DOCK10: variants seen among roughly 807,000 people sequenced by gnomAD.
DOCK10 encodes the protein dedicator of cytokinesis 10, also known as dedicator of cytokinesis protein 10.
DOCK10 carries 145 observed loss-of-function variants against 280.1 expected under a neutral mutation model. The observed-to-expected ratio is 0.52, with a 90% CI of 0.45 to 0.59. The LOEUF (loss-of-function observed/expected upper bound fraction) is 0.59, where lower values mean the gene tolerates loss of function less well. Among genes scored for constraint, DOCK10 ranks in the 20% least tolerant of loss-of-function variants. The pLI, the probability that DOCK10 is intolerant of heterozygous loss-of-function variation, is 0.00. For missense variants in DOCK10, 2,368 were observed against 2,651.7 expected (o/e 0.89, Z 2.35); for synonymous variants, 915 against 942.2 (o/e 0.97, Z 0.53).
At chr2:224,818,674 A>G (rs1237193160) in intron 29 of DOCK10, among the ~76,000 whole-genome samples, 7 of 152,194 alleles carry the variant, frequency 4.6e-5, no homozygotes, top group Non-Finnish European at 7.3e-5. Context: ...CTGGGATTAC[A>G]GGCGTGAGCC....
chr2:224,856,663 A>T (rs1174315866), intron 15 of DOCK10, among the ~76,000 whole-genome samples, 197 bp downstream of exon 15: 1 of 152,208 alleles, frequency 6.6e-6, no homozygotes, highest in Non-Finnish European at 1.5e-5. Context: ...ACATAGTTTA[A>T]CATTTCACAG....
intron 3 of DOCK10, among the ~76,000 whole-genome samples, chr2:224,904,853 A>T (rs116223623): frequency 1.3e-5 from 2 of 152,236 alleles, no homozygotes; most frequent in African/African-American, 4.8e-5. Flanking sequence ...TATTTTAACT[A>T]TAAAAGTAAA....
chr2:224,797,486 G>A (rs1692662117), intron 42 of DOCK10, among the ~76,000 whole-genome samples: 1 of 152,130 alleles, frequency 6.6e-6, no homozygotes, highest in South Asian at 2.1e-4. Context: ...CTCAAAGGCG[G>A]TGGCTGTATC....
chr2:224,854,896 C>A, intron 16 of DOCK10, 67 bp downstream of exon 16: 1 of 1,150,230 alleles, frequency 8.7e-7, no homozygotes, highest in Non-Finnish European at 1.2e-6. Flanking sequence ...ACCAACCAAC[C>A]AAAACAAACC....
intron 1 of DOCK10, among the ~76,000 whole-genome samples, chr2:224,986,846 T>A (rs531786592): frequency 6.6e-6 from 1 of 152,128 alleles, no homozygotes; most frequent in Admixed American, 6.6e-5. Flanking sequence ...AGCAGGCCAA[T>A]ACAAGGACCT....
intron 1 of DOCK10, among the ~76,000 whole-genome samples, chr2:225,006,858 C>T (rs1176974352): frequency 2.0e-5 from 3 of 152,104 alleles, no homozygotes; most frequent in Non-Finnish European, 4.4e-5. Flanking sequence ...AATAAAATCC[C>T]CAGTTTTAAG....
intron 13 of DOCK10, 95 bp from the exon 14 acceptor site, chr2:224,862,841 C>A: frequency 1.3e-6 from 1 of 794,394 alleles, no homozygotes; most frequent in Non-Finnish European, 1.9e-6. Flanking sequence ...TTATTTTATA[C>A]TGAAACTCAG....
At chr2:224,953,045 C>T (rs1415802277) in intron 1 of DOCK10, among the ~76,000 whole-genome samples, 1 of 145,452 alleles carries the variant, frequency 6.9e-6, no homozygotes, top group Non-Finnish European at 1.5e-5. Context: ...AAAATGGCCC[C>T]AAAAGTACCA....
At chr2:224,957,751 T>C (rs1704135665) in intron 1 of DOCK10, among the ~76,000 whole-genome samples, 1 of 152,216 alleles carries the variant, frequency 6.6e-6, no homozygotes, top group Non-Finnish European at 1.5e-5. Context: ...TCTACATGTC[T>C]CAAAACACCA....
At chr2:224,903,921 A>G (rs1037763960) in intron 3 of DOCK10, among the ~76,000 whole-genome samples, 4 of 152,226 alleles carry the variant, frequency 2.6e-5, no homozygotes, top group African/African-American at 7.2e-5. Flanking sequence ...TCTTAATGTG[A>G]AACACGTAAC....
chr2:224,879,245 A>T (rs1698827476), intron 7 of DOCK10, among the ~76,000 whole-genome samples: 2 of 152,090 alleles, frequency 1.3e-5, no homozygotes, highest in South Asian at 4.1e-4. Context: ...AAATTCCTAG[A>T]CGCCCCACTC....
intron 2 of DOCK10, 147 bp from the exon 3 acceptor site, chr2:224,916,931 T>C: frequency 3.2e-6 from 2 of 629,664 alleles, no homozygotes; most frequent in East Asian, 2.8e-5. Flanking sequence ...TCTTCCCAAT[T>C]TAATCTCTAG....
At chr2:224,917,853 A>G (rs1285589045) in intron 2 of DOCK10, among the ~76,000 whole-genome samples, 1 of 152,148 alleles carries the variant, frequency 6.6e-6, no homozygotes, top group Admixed American at 6.5e-5. Context: ...TGCTTCCTTT[A>G]GTCTGTGCAC....
At chr2:224,816,878 G>A (rs916833375) in intron 29 of DOCK10, among the ~76,000 whole-genome samples, 165 bp from the exon 30 acceptor site, 7 of 152,134 alleles carry the variant, frequency 4.6e-5, no homozygotes, top group African/African-American at 9.7e-5. Flanking sequence ...TGTCCCCTCC[G>A]AACTGCAGTT....
chr2:225,010,644 T>C (rs973624592), intron 1 of DOCK10: 1 of 154,318 alleles, frequency 6.5e-6, no homozygotes, highest in African/African-American at 2.4e-5. Flanking sequence ...CATCTTTTGA[T>C]TCAAATAAGA....
intron 1 of DOCK10, among the ~76,000 whole-genome samples, chr2:224,943,246 G>C (rs906612159): frequency 2.6e-5 from 4 of 152,080 alleles, no homozygotes; most frequent in Admixed American, 2.6e-4. Flanking sequence ...TTTGTGATAA[G>C]TGGCATTTCT....
In DOCK10 at chr2:224,801,886, A is replaced by T; in HGVS notation, c.4393+30T>A. ...CATACCTAGAGAAAAACTGGTAACC[A>T]TCTTGTTCCTATTATTTCAGTTTAC... On this transcript the variant is annotated intron_variant, in intron 40 of 55. Coordinates refer to ENST00000258390, the MANE Select transcript of DOCK10 (RefSeq NM_014689.3). 5 of 1,609,924 alleles carry T rather than the reference A, an allele frequency of 3.1e-6. No individual in the cohort carries two copies. The South Asian group carries it at 5.5e-5, about 18-fold the overall frequency.
Position 224,884,839 on chromosome 2 carries a change from A to C in DOCK10, c.747+832T>G, listed in dbSNP as rs561298080. 2.6e-5 allele frequency among the ~76,000 whole-genome samples: 4 copies of C among 152,336 alleles called. No homozygotes were observed. In the East Asian group the frequency reaches 7.7e-4, roughly 29 times the overall value. On this transcript the variant is annotated intron_variant, in intron 7 of 55. Transcript: ENST00000258390. ...TAACATATTTGAAGTGCGTATGTTAATACCATGTCATTTGCATATTATTTT... is the reference window on the plus strand; with the variant it reads ...TAACATATTTGAAGTGCGTATGTTACTACCATGTCATTTGCATATTATTTT...
intron 51 of DOCK10, among the ~76,000 whole-genome samples, chr2:224,776,182 C>A (rs1399774183): frequency 6.6e-6 from 1 of 152,174 alleles, no homozygotes; most frequent in South Asian, 2.1e-4. Flanking sequence ...TTTAAAACTT[C>A]TTCCAATTTT....
Sources: allele counts gnomAD v4.1 joint callset (sites outside exome capture counted in the v4.1 genomes callset), GRCh38; gene constraint gnomAD v4.1.1; transcripts MANE v1.5; gene names NCBI Gene and HGNC (gene_info 2026-07-23, HGNC 2026-07-21).